The following FRAS1 variants were observed in gnomAD, a reference collection of about 807,000 sequenced individuals.
The protein encoded by FRAS1 is Fraser extracellular matrix complex subunit 1.
Under a neutral mutation model 435.2 loss-of-function variants are expected in FRAS1, and 290 were observed. The observed-to-expected ratio is 0.67, with a 90% CI of 0.61 to 0.73. The LOEUF (loss-of-function observed/expected upper bound fraction) is 0.73, where lower values mean the gene tolerates loss of function less well. Ranked by LOEUF, FRAS1 falls within the 30% of genes least tolerant of loss-of-function variation. The pLI is 0.00. For missense variants in FRAS1, 4,860 were observed against 5,001.5 expected, an observed-to-expected ratio of 0.97 and a Z score of 0.85; for synonymous variants, 1,800 against 1,851.0, an observed-to-expected ratio of 0.97 and a Z score of 0.71.
chr4:78,388,266 A>G (rs1732300898), intron 29 of FRAS1, among the ~76,000 whole-genome samples: 2 of 149,772 alleles, frequency 1.3e-5, no homozygotes. Context: ...CAGAGCTTGC[A>G]GTGAGCCGAG....
chr4:78,435,900 A>G (rs1221250288), intron 38 of FRAS1, among the ~76,000 whole-genome samples: 3 of 152,204 alleles, frequency 2.0e-5, no homozygotes, highest in Non-Finnish European at 4.4e-5. Context: ...CAGATCAAGT[A>G]CTGAAAAACC....
At position 78,424,285 on chromosome 4, in the gene FRAS1, A is replaced by C. The variant is rs919102037; in HGVS notation, c.4679-103A>C. On this transcript the variant is annotated intron_variant, in intron 34 of 73. Coordinates refer to ENST00000512123, the MANE Select transcript of FRAS1 (RefSeq NM_025074.7). ...TTAAAAAAGAATAATTTAGATTAAA[A>C]CATTCTTTAGCTTCCTAACCTCTGC... The C allele has an allele frequency of 4.3e-5, 23 of 541,070 alleles. No homozygotes were observed. In the African/African-American group the frequency reaches 4.6e-4, roughly 11 times the overall value. The allele number at this position is 541,070 out of a possible 1,614,324, so 33.5% of individuals were successfully genotyped here.
At position 78,464,683 on chromosome 4, in the gene FRAS1, T is replaced by C. The variant is rs1036215701; in HGVS notation, c.7029+100T>C. The C allele has an allele frequency of 1.3e-5, 18 of 1,341,870 alleles. 1 individual carries two copies. Among genetic ancestry groups the C allele is most frequent in the African/African-American group, 1.3e-4 (9 of 69,626 alleles). 83.1% of individuals were successfully genotyped at this position (1,341,870 alleles called of 1,614,324 possible). A position where few individuals can be genotyped will look rare whatever the true frequency, so the allele number is the denominator to read the frequency against. On this transcript the variant is annotated intron_variant, in intron 49 of 73. Transcript: ENST00000512123. ...GTGCATCCTGATGGTAGGGAGGAGC[T>C]GTAAGGTGAGTGCAAGCATCCTTGA...
intron 2 of FRAS1, chr4:78,181,127 C>A: frequency 6.4e-7 from 1 of 1,573,682 alleles, no homozygotes; most frequent in South Asian, 1.1e-5. Flanking sequence ...GAAAACAAAT[C>A]CCTTCTTCCA....
intron 2 of FRAS1, among the ~76,000 whole-genome samples, chr4:78,132,386 T>A (rs1406489180): frequency 6.6e-6 from 1 of 152,204 alleles, no homozygotes; most frequent in Non-Finnish European, 1.5e-5. Context: ...AAACTATCTC[T>A]AGCAATCTAA....
intron 2 of FRAS1, among the ~76,000 whole-genome samples, chr4:78,129,014 C>T (rs567586067): frequency 3.3e-5 from 5 of 152,302 alleles, no homozygotes; most frequent in South Asian, 2.1e-4. Context: ...AATAGGGAAT[C>T]CTTTCCCCAT....
intron 2 of FRAS1, among the ~76,000 whole-genome samples, chr4:78,170,123 A>G (rs955080668): frequency 5.9e-5 from 9 of 152,110 alleles, no homozygotes; most frequent in African/African-American, 1.9e-4. Context: ...AGATCCCTCA[A>G]TTGGGTCTCC....
chr4:78,439,597 CT>C (rs1734573708), intron 40 of FRAS1, among the ~76,000 whole-genome samples: 3 of 152,100 alleles, frequency 2.0e-5, no homozygotes, highest in Non-Finnish European at 2.9e-5. Flanking sequence ...CCTCAGCTTC[CT>C]TGTCTTTTAT....
At position 78,066,031 on chromosome 4, in the gene FRAS1, A is replaced by G. The variant is rs781699250; in HGVS notation, c.108+15A>G. On this transcript the variant is annotated intron_variant, in intron 2 of 73. Coordinates refer to ENST00000512123, the MANE Select transcript of FRAS1 (RefSeq NM_025074.7). ...CCTTGTTGGCGGTAGGTCATTCTTT[A>G]CATACTTGGTTTCTGTCATTTGAAT... 6.3e-7 allele frequency: 1 copy of G among 1,585,834 alleles called. No homozygotes were observed. The highest frequency in any genetic ancestry group is 1.1e-5 in the South Asian group (1 of 90,068).
At chr4:78,286,205 T>G (rs1727589027) in intron 13 of FRAS1, 200 bp from the exon 14 acceptor site, 1 of 699,440 alleles carries the variant, frequency 1.4e-6, no homozygotes, top group Non-Finnish European at 2.6e-6. Context: ...TTAAATGAAT[T>G]CATATACGTA....
intron 60 of FRAS1, among the ~76,000 whole-genome samples, chr4:78,497,660 A>C (rs934760044): frequency 1.3e-5 from 2 of 152,226 alleles, no homozygotes; most frequent in African/African-American, 4.8e-5. Flanking sequence ...ATTACGAATA[A>C]AGAAACTGAA....
intron 2 of FRAS1, among the ~76,000 whole-genome samples, chr4:78,090,561 C>T (rs1360453525): frequency 6.6e-6 from 1 of 152,096 alleles, no homozygotes; most frequent in African/African-American, 2.4e-5. Flanking sequence ...CACTTTTAAA[C>T]TTAATCTTGG....
chr4:78,284,850 T>C (rs974899667), intron 13 of FRAS1, among the ~76,000 whole-genome samples: 3 of 152,152 alleles, frequency 2.0e-5, no homozygotes, highest in African/African-American at 7.2e-5. Flanking sequence ...TTTGAAGACT[T>C]TCAAGGATAG....
At chr4:78,481,769 G>T (rs1479473388) in intron 56 of FRAS1, 35 bp from the exon 57 acceptor site, 2 of 1,611,790 alleles carry the variant, frequency 1.2e-6, no homozygotes, top group African/African-American at 2.7e-5. Flanking sequence ...CTGGCTCAAA[G>T]TTGACCATTA....
At chr4:78,060,335 A>G (rs1178468494) in intron 1 of FRAS1, among the ~76,000 whole-genome samples, 1 of 152,210 alleles carries the variant, frequency 6.6e-6, no homozygotes, top group Non-Finnish European at 1.5e-5. Flanking sequence ...ATCAGCCTAG[A>G]GAATAATTTT....
chr4:78,220,895 A>G (rs1344963434), intron 2 of FRAS1, among the ~76,000 whole-genome samples: 1 of 152,122 alleles, frequency 6.6e-6, no homozygotes, highest in Non-Finnish European at 1.5e-5. Flanking sequence ...AAAATAATAC[A>G]GGCTGGGCAT....
intron 2 of FRAS1, among the ~76,000 whole-genome samples, chr4:78,160,766 C>G (rs1260224938): frequency 1.3e-5 from 2 of 152,094 alleles, no homozygotes; most frequent in African/African-American, 2.4e-5. Flanking sequence ...TCTTATAAAG[C>G]CTCATTTTTG....
intron 9 of FRAS1, among the ~76,000 whole-genome samples, chr4:78,270,492 CT>C (rs1191928270): frequency 1.3e-5 from 2 of 152,080 alleles, no homozygotes; most frequent in Non-Finnish European, 1.5e-5. Flanking sequence ...TTGCTATAAG[CT>C]TTAATTTCCC....
At chr4:78,242,875 A>C (rs1402100702) in intron 3 of FRAS1, among the ~76,000 whole-genome samples, 3 of 152,214 alleles carry the variant, frequency 2.0e-5, no homozygotes, top group African/African-American at 7.2e-5. Context: ...TCATTTATCC[A>C]TTCTATAATC....
Sources: allele counts gnomAD v4.1 joint callset (sites outside exome capture counted in the v4.1 genomes callset), GRCh38; gene constraint gnomAD v4.1.1; transcripts MANE v1.5; gene names NCBI Gene and HGNC (gene_info 2026-07-23, HGNC 2026-07-21).